The following PKIB variants were observed in gnomAD, a reference collection of about 807,000 sequenced individuals.
PKIB encodes the protein PKI-beta.
PKIB carries 2 observed loss-of-function variants against 4.5 expected under a neutral mutation model. The ratio of observed to expected loss-of-function variants is 0.44; its 90% CI spans 0.18 to 1.39. The LOEUF is 1.39. Ranked by LOEUF, PKIB falls within the 40% of genes most tolerant of loss-of-function variation. The probability of loss-of-function intolerance (pLI) is 0.27; values close to 1 mark genes in which losing one functional copy is unlikely to be tolerated. For synonymous variants in PKIB, 38 were observed against 36.0 expected (o/e 1.06, Z -0.20); for missense variants, 94 against 92.6 (o/e 1.02, Z -0.06).
chr6:122,505,857 T>C (rs892299796), intron 2 of PKIB, among the ~76,000 whole-genome samples: 2 of 152,176 alleles, frequency 1.3e-5, no homozygotes, highest in African/African-American at 4.8e-5. Context: ...AATAACAGTC[T>C]ATATAAGATT....
chr6:122,577,908 C>T (rs1039857033), intron 2 of PKIB, among the ~76,000 whole-genome samples: 1 of 74,250 alleles, frequency 1.3e-5, no homozygotes, highest in Non-Finnish European at 2.7e-5. Context: ...GACTCCGTCT[C>T]AAAAAAAAAA....
At chr6:122,576,693 T>A (rs1481016253) in intron 2 of PKIB, among the ~76,000 whole-genome samples, 102 of 73,014 alleles carry the variant, frequency 1.4e-3, no homozygotes, top group African/African-American at 2.6e-3. Flanking sequence ...AAAAAAAATA[T>A]ATATATATAT....
Position 122,701,491 on chromosome 6 carries a change from T to C in PKIB, c.-8-16296T>C, listed in dbSNP as rs1022600126. ...AACACAGGCTGAACCTGACAGCATGTCACACCAGGGTATAGTTAACAACCA... is the reference window on the plus strand; with the variant it reads ...AACACAGGCTGAACCTGACAGCATGCCACACCAGGGTATAGTTAACAACCA... On this transcript the variant is annotated intron_variant, in intron 3 of 4. Coordinates refer to ENST00000368452, the MANE Select transcript of PKIB (RefSeq NM_181795.3). 3 of 1,596,826 alleles carry C rather than the reference T, an allele frequency of 1.9e-6. No homozygotes were observed. The African/African-American group carries it at 4.0e-5, about 21-fold the overall frequency.
chr6:122,628,097 C>T (rs896484159), intron 1 of PKIB, among the ~76,000 whole-genome samples: 5 of 149,436 alleles, frequency 3.3e-5, no homozygotes, highest in African/African-American at 1.2e-4. Context: ...AGTGCAATGG[C>T]GCAATCTTGG....
chr6:122,618,678 C>G (rs1252110537), intron 1 of PKIB, among the ~76,000 whole-genome samples: 1 of 151,936 alleles, frequency 6.6e-6, no homozygotes, highest in Non-Finnish European at 1.5e-5. Flanking sequence ...GTATAAATTA[C>G]AGTTTTTTAA....
chr6:122,583,178 T>C (rs189964023), intron 2 of PKIB, among the ~76,000 whole-genome samples: 36 of 152,174 alleles, frequency 2.4e-4, no homozygotes, highest in African/African-American at 8.4e-4. Flanking sequence ...GTGAAGATTA[T>C]TTTGAAAGAA....
intron 3 of PKIB, among the ~76,000 whole-genome samples, chr6:122,688,153 T>G (rs1360986902): frequency 6.6e-6 from 1 of 152,214 alleles, no homozygotes; most frequent in African/African-American, 2.4e-5. Context: ...CGAGGGTTTT[T>G]ATCATGAAAG....
chr6:122,670,113 A>C (rs1777395272), intron 2 of PKIB, among the ~76,000 whole-genome samples: 1 of 151,944 alleles, frequency 6.6e-6, no homozygotes. Context: ...TCCAGTTTTC[A>C]GAAAGGGCAA....
intron 3 of PKIB, among the ~76,000 whole-genome samples, chr6:122,700,287 T>C (rs1016775844): frequency 7.6e-6 from 1 of 131,282 alleles, no homozygotes; most frequent in African/African-American, 2.7e-5. Context: ...TGGTGGTCAC[T>C]GGACATATTT....
chr6:122,513,827 T>C (rs998921561), intron 2 of PKIB, among the ~76,000 whole-genome samples: 2 of 152,334 alleles, frequency 1.3e-5, no homozygotes, highest in Admixed American at 1.3e-4. Context: ...TTTAAATAGC[T>C]GCATAGTATT....
At chr6:122,649,623 T>TG (rs1322028967) in intron 2 of PKIB, among the ~76,000 whole-genome samples, 8 of 152,200 alleles carry the variant, frequency 5.3e-5, no homozygotes, top group Admixed American at 3.9e-4. Context: ...CATTTGATAT[T>TG]GGGGTGTGGC....
upstream of PKIB, among the ~76,000 whole-genome samples, chr6:122,605,604 A>T (rs1774505353): frequency 6.6e-6 from 1 of 152,136 alleles, no homozygotes; most frequent in African/African-American, 2.4e-5. Flanking sequence ...AGATATGGTC[A>T]TCCTGTAGAC....
intron 2 of PKIB, among the ~76,000 whole-genome samples, chr6:122,504,168 T>C (rs1776331264): frequency 6.6e-6 from 1 of 152,230 alleles, no homozygotes; most frequent in Non-Finnish European, 1.5e-5. Context: ...TGAGGCTTTA[T>C]TACTGTTGTC....
chr6:122,637,324 A>G (rs1582763012), intron 2 of PKIB, among the ~76,000 whole-genome samples: 1 of 152,184 alleles, frequency 6.6e-6, no homozygotes, highest in Non-Finnish European at 1.5e-5. Flanking sequence ...TCTGACTAAC[A>G]TTCCAATATA....
At chr6:122,513,924 TAAG>T (rs1776665804) in intron 2 of PKIB, among the ~76,000 whole-genome samples, 1 of 152,234 alleles carries the variant, frequency 6.6e-6, no homozygotes, top group African/African-American at 2.4e-5. Context: ...GGAACTTCAC[TAAG>T]ACCTGAAGCA....
At chr6:122,549,387 A>T (rs1375066410) in intron 2 of PKIB, among the ~76,000 whole-genome samples, 1 of 152,182 alleles carries the variant, frequency 6.6e-6, no homozygotes, top group Non-Finnish European at 1.5e-5. Context: ...TGAATTTCCC[A>T]TGCTACAATT....
intron 2 of PKIB, among the ~76,000 whole-genome samples, chr6:122,491,925 T>G (rs11751662): frequency 0.57 from 86,022 of 152,062 alleles, 24,559 homozygotes; most frequent in South Asian, 0.68. Context: ...CAGCAAATTT[T>G]CTTTAGTTAT....
intron 2 of PKIB, among the ~76,000 whole-genome samples, chr6:122,670,318 A>G (rs1458976101): frequency 6.6e-6 from 1 of 151,910 alleles, no homozygotes; most frequent in African/African-American, 2.4e-5. Context: ...GAGAGGAGCA[A>G]ATAGCAGCCA....
intron 3 of PKIB, among the ~76,000 whole-genome samples, chr6:122,600,166 G>A (rs548213630): frequency 4.6e-5 from 7 of 152,292 alleles, no homozygotes; most frequent in African/African-American, 1.7e-4. Flanking sequence ...CTTGGAGTCT[G>A]ATGTTCAAGG....
Sources: allele counts gnomAD v4.1 joint callset (sites outside exome capture counted in the v4.1 genomes callset), GRCh38; gene constraint gnomAD v4.1.1; transcripts MANE v1.5; gene names NCBI Gene and HGNC (gene_info 2026-07-23, HGNC 2026-07-21).